The following EEA1 variants were observed in gnomAD, a reference collection of about 807,000 sequenced individuals.
EEA1 encodes the protein early endosome antigen 1, also known as early endosome antigen 1, 162kD.
In EEA1, 111 loss-of-function variants were observed where a neutral mutation model predicts 209.2. That is an observed-to-expected ratio of 0.53 (90% CI 0.45 to 0.62). The LOEUF (loss-of-function observed/expected upper bound fraction) is 0.62. Among genes scored for constraint, EEA1 ranks in the 20% least tolerant of loss-of-function variants. The pLI is 0.00. For missense variants in EEA1, 1,343 were observed against 1,530.8 expected, an observed-to-expected ratio of 0.88 and a Z score of 2.05; for synonymous variants, 536 against 540.6, an observed-to-expected ratio of 0.99 and a Z score of 0.12.
At chr12:92,863,778 G>A (rs1878249513) in intron 3 of EEA1, among the ~76,000 whole-genome samples, 1 of 152,174 alleles carries the variant, frequency 6.6e-6, no homozygotes, top group South Asian at 2.1e-4. Context: ...GAGAATGGTA[G>A]GGCAGAAGTC....
At chr12:92,894,776 A>G (rs1257060841) in intron 1 of EEA1, among the ~76,000 whole-genome samples, 1 of 152,220 alleles carries the variant, frequency 6.6e-6, no homozygotes, top group Non-Finnish European at 1.5e-5. Context: ...GAGAAGCTGC[A>G]GCAAGTTATC....
chr12:92,834,854 T>C (rs911378365), intron 10 of EEA1, among the ~76,000 whole-genome samples: 1 of 152,154 alleles, frequency 6.6e-6, no homozygotes, highest in African/African-American at 2.4e-5. Flanking sequence ...GTAAGCAAAT[T>C]ATTCATTAAT....
intron 1 of EEA1, among the ~76,000 whole-genome samples, chr12:92,912,581 T>G (rs538058215): frequency 5.3e-5 from 8 of 152,302 alleles, no homozygotes; most frequent in African/African-American, 1.7e-4. Flanking sequence ...TTTTATAGAT[T>G]TAGTGGGTAC....
chr12:92,824,626 G>A (rs376798793), intron 13 of EEA1, among the ~76,000 whole-genome samples: 3 of 152,212 alleles, frequency 2.0e-5, no homozygotes. Flanking sequence ...TCTTCTCTCT[G>A]AATCACAGGC....
At chr12:92,857,542 G>A in intron 3 of EEA1, 57 bp from the exon 4 acceptor site, 1 of 1,143,454 alleles carries the variant, frequency 8.7e-7, no homozygotes, top group Non-Finnish European at 1.2e-6. Context: ...TAACAAACTG[G>A]TCTTAAGAAA....
chr12:92,780,215 G>A, intron 24 of EEA1, 65 bp downstream of exon 24: 1 of 1,446,870 alleles, frequency 6.9e-7, no homozygotes, highest in Non-Finnish European at 9.4e-7. Context: ...ATATGTATGG[G>A]TATATATATT....
intron 1 of EEA1, among the ~76,000 whole-genome samples, chr12:92,927,709 C>G (rs1251217800): frequency 6.6e-6 from 1 of 152,144 alleles, no homozygotes; most frequent in Non-Finnish European, 1.5e-5. Flanking sequence ...TCTCCTAAAG[C>G]CTGAAAGTAA....
At chr12:92,855,171 T>G (rs1181307482) in intron 5 of EEA1, among the ~76,000 whole-genome samples, 2 of 152,250 alleles carry the variant, frequency 1.3e-5, no homozygotes, top group African/African-American at 4.8e-5. Flanking sequence ...GGCTCACGCC[T>G]GTAATCCCAG....
chr12:92,880,394 T>A (rs1256653634), intron 2 of EEA1, among the ~76,000 whole-genome samples: 1 of 152,184 alleles, frequency 6.6e-6, no homozygotes, highest in Admixed American at 6.5e-5. Context: ...AGCCTCCACC[T>A]CACAGGAGCA....
chr12:92,920,416 C>G (rs1358099660), intron 1 of EEA1, among the ~76,000 whole-genome samples: 2 of 144,958 alleles, frequency 1.4e-5, no homozygotes, highest in East Asian at 1.9e-4. Context: ...ATAAATGGAA[C>G]AGAACAGAGC....
chr12:92,805,150 G>T (rs1171484947), intron 18 of EEA1, among the ~76,000 whole-genome samples: 2 of 152,154 alleles, frequency 1.3e-5, no homozygotes, highest in Non-Finnish European at 2.9e-5. Context: ...GATCTTCATG[G>T]ACTGATGCCT....
intron 9 of EEA1, among the ~76,000 whole-genome samples, chr12:92,848,840 C>G (rs913928322): frequency 6.8e-6 from 1 of 147,354 alleles, no homozygotes; most frequent in Non-Finnish European, 1.5e-5. Context: ...TCAAGCAATC[C>G]TCTCACCTCA....
chr12:92,835,838 T>G (rs922667103), intron 10 of EEA1, among the ~76,000 whole-genome samples: 1 of 152,206 alleles, frequency 6.6e-6, no homozygotes, highest in Non-Finnish European at 1.5e-5. Context: ...GAATTAAATT[T>G]TCTTTAAAAG....
intron 18 of EEA1, among the ~76,000 whole-genome samples, chr12:92,805,722 T>A (rs777035960): frequency 2.0e-5 from 3 of 152,230 alleles, no homozygotes; most frequent in Non-Finnish European, 4.4e-5. Flanking sequence ...GGCAAGAGAC[T>A]AATTCTACCT....
At chr12:92,852,047 TA>T in intron 8 of EEA1, 127 bp downstream of exon 8, 1 of 646,562 alleles carries the variant, frequency 1.5e-6, no homozygotes, top group Non-Finnish European at 2.4e-6. Flanking sequence ...GGTGGTAGAA[TA>T]TAGGGAATTG....
chr12:92,789,859 C>G (rs1874317182), intron 21 of EEA1, among the ~76,000 whole-genome samples: 1 of 152,208 alleles, frequency 6.6e-6, no homozygotes, highest in Non-Finnish European at 1.5e-5. Context: ...CTGGGAGACA[C>G]CTCCCAATAG....
intron 2 of EEA1, among the ~76,000 whole-genome samples, chr12:92,890,750 A>T (rs1879627034): frequency 6.6e-6 from 1 of 152,186 alleles, no homozygotes; most frequent in Non-Finnish European, 1.5e-5. Context: ...CCCTCTCGCA[A>T]ATCTGTAAAA....
intron 18 of EEA1, 137 bp from the exon 19 acceptor site, chr12:92,802,871 A>G: frequency 1.6e-6 from 1 of 632,250 alleles, no homozygotes; most frequent in Admixed American, 3.9e-5. Context: ...ATTTAATTTC[A>G]TAAAATCGCA....
intron 1 of EEA1, among the ~76,000 whole-genome samples, chr12:92,902,732 T>A (rs1333584655): frequency 8.0e-6 from 1 of 125,464 alleles, no homozygotes; most frequent in African/African-American, 2.9e-5. Context: ...CAGGGCGAAA[T>A]TCTGTCTTAA....
Sources: gnomAD v4.1 joint callset for allele counts (sites outside exome capture counted in the v4.1 genomes callset) on GRCh38, gnomAD v4.1.1 for gene constraint, MANE v1.5 for transcripts, NCBI Gene and HGNC (gene_info 2026-07-23, HGNC 2026-07-21) for gene names.